The following DSG2 variants were observed in gnomAD, a reference collection of about 807,000 sequenced individuals.
DSG2 encodes the protein desmoglein-2.
In DSG2, 45 loss-of-function variants were observed where a neutral mutation model predicts 75.6. The observed-to-expected ratio is 0.60, with a 90% CI of 0.47 to 0.76. DSG2 has a LOEUF of 0.76. Among genes scored for constraint, DSG2 ranks in the 30% least tolerant of loss-of-function variants. The probability of loss-of-function intolerance (pLI) is 0.00; values close to 1 mark genes in which losing one functional copy is unlikely to be tolerated. For synonymous variants in DSG2, 429 were observed against 483.9 expected (o/e 0.89, Z 1.49); for missense variants, 1,267 against 1,357.4 (o/e 0.93, Z 1.05).
intron 14 of DSG2, among the ~76,000 whole-genome samples, chr18:31,544,901 A>G (rs113886643): frequency 0.02 from 3,078 of 152,260 alleles, 85 homozygotes; most frequent in African/African-American, 0.058. Flanking sequence ...CCATTGAGGA[A>G]AGCAAGTTAC....
chr18:31,532,837 A>G (rs2144335506), intron 9 of DSG2, among the ~76,000 whole-genome samples: 1 of 152,324 alleles, frequency 6.6e-6, no homozygotes, highest in Non-Finnish European at 1.5e-5. Context: ...CAAACTAATT[A>G]TATACCAATA....
At chr18:31,503,694 G>C (rs1305766228) in intron 1 of DSG2, among the ~76,000 whole-genome samples, 2 of 152,138 alleles carry the variant, frequency 1.3e-5, no homozygotes, top group Non-Finnish European at 2.9e-5. Context: ...GAGGCAACAG[G>C]CATTGAGGAC....
Position 31,548,432 on chromosome 18 carries a change from T to C in DSG2, c.*1689T>C, listed in dbSNP as rs2073330046. ...TTGTTGAATGGTGTCATGCAAAGGA[T>C]TTATATAGTGTGCTCCCACTAACTG... On this transcript the variant is annotated 3_prime_UTR_variant, in exon 15 of 15. Transcript: ENST00000261590. 1.4e-5 allele frequency: 2 copies of C among 142,202 alleles called. No homozygotes were observed. The highest frequency in any genetic ancestry group is 1.4e-4 in the Admixed American group (2 of 14,174). 8.8% of individuals were successfully genotyped at this position (142,202 alleles called of 1,614,324 possible).
At chr18:31,543,882 A>G (rs1018054132) in intron 14 of DSG2, among the ~76,000 whole-genome samples, 4 of 151,720 alleles carry the variant, frequency 2.6e-5, no homozygotes, top group African/African-American at 9.7e-5. Flanking sequence ...AAAAAAAAAA[A>G]AAGTATAACA....
chr18:31,534,571 C>T (rs1340146632), intron 9 of DSG2, among the ~76,000 whole-genome samples: 1 of 133,440 alleles, frequency 7.5e-6, no homozygotes, highest in Non-Finnish European at 1.5e-5. Context: ...AGTGCAGTGG[C>T]GCGATCTCGG....
chr18:31,546,924 T>A lies in DSG2; in HGVS notation c.*181T>A. The A allele has an allele frequency of 1.4e-6, 1 of 714,158 alleles. No homozygotes were observed. The highest frequency in any genetic ancestry group is 2.5e-6 in the Non-Finnish European group (1 of 407,002). 44.2% of individuals were successfully genotyped at this position (714,158 alleles called of 1,614,324 possible). On this transcript the variant is annotated 3_prime_UTR_variant, in exon 15 of 15. Coordinates refer to ENST00000261590, the MANE Select transcript of DSG2 (RefSeq NM_001943.5). ...ACTGTCTCTGCTTCCAGGAGTATTTTAGAAATGTTCCACAATTTACTGAAG... is the reference window on the plus strand; with the variant it reads ...ACTGTCTCTGCTTCCAGGAGTATTTAAGAAATGTTCCACAATTTACTGAAG...
chr18:31,542,149 G>A (rs1384661652), intron 13 of DSG2: 3 of 327,010 alleles, frequency 9.2e-6, no homozygotes, highest in Non-Finnish European at 1.8e-5. Context: ...CAGAGGCTTA[G>A]AAATATAGTC....
chr18:31,526,414 A>G (rs1394903197), intron 8 of DSG2, among the ~76,000 whole-genome samples: 2 of 152,234 alleles, frequency 1.3e-5, no homozygotes, highest in Non-Finnish European at 2.9e-5. Flanking sequence ...GTTTCATGAT[A>G]ATTGAGCACC....
At chr18:31,501,349 A>T (rs1165771702) in intron 1 of DSG2, among the ~76,000 whole-genome samples, 3 of 152,220 alleles carry the variant, frequency 2.0e-5, no homozygotes, top group South Asian at 2.1e-4. Context: ...CATTTTAAGG[A>T]TTCAATGATA....
intron 8 of DSG2, among the ~76,000 whole-genome samples, chr18:31,528,176 C>G (rs2073173773): frequency 6.6e-6 from 1 of 151,918 alleles, no homozygotes; most frequent in African/African-American, 2.4e-5. Context: ...GTTATATGAC[C>G]CAATGATTTG....
At chr18:31,521,957 C>A in intron 5 of DSG2, 126 bp from the exon 6 acceptor site, 1 of 799,490 alleles carries the variant, frequency 1.3e-6, no homozygotes, top group Non-Finnish European at 2.0e-6. Flanking sequence ...ATATTGTGGT[C>A]AACTGTATGT....
In DSG2 at chr18:31,535,106, A is replaced by AG. The variant is rs575057718; in HGVS notation, c.1281-160dup. On this transcript the variant is annotated intron_variant, in intron 9 of 14. Coordinates refer to ENST00000261590, the MANE Select transcript of DSG2 (RefSeq NM_001943.5). ...TTTAAGTGTGACATGCAGTAAAGAG[A>AG]GGGGCTTTTAGGATGGTTTTGCAAA... 2.0e-3 allele frequency among the ~76,000 whole-genome samples: 300 copies of AG among 152,324 alleles called. 13 individuals are homozygous for AG. In the South Asian group the frequency reaches 0.06, roughly 30 times the overall value.
intron 1 of DSG2, among the ~76,000 whole-genome samples, chr18:31,506,545 A>G (rs2073040010): frequency 1.3e-5 from 2 of 152,218 alleles, no homozygotes; most frequent in Admixed American, 6.5e-5. Flanking sequence ...CCTTACTGAC[A>G]GGCCAGTGCC....
chr18:31,498,736 C>G (rs988840115), intron 1 of DSG2, among the ~76,000 whole-genome samples: 2 of 152,082 alleles, frequency 1.3e-5, no homozygotes, highest in African/African-American at 4.8e-5. Context: ...CTCCTCTAGC[C>G]GCCGACACAA....
Position 31,546,053 on chromosome 18 carries a change from A to C in DSG2, c.2667A>C (p.Pro889=). ...ENTYSSGSSF[P]VPKSLQEANA... ...CCTACTCCTCTGGCAGTAGCTTCCC[A>C]GTTCCAAAATCTTTGCAAGAAGCCA... Residue 889 remains proline (P), a synonymous_variant, in exon 15 of 15, where the codon CCA becomes CCC. Transcript: ENST00000261590. 6.2e-7 allele frequency: 1 copy of C among 1,614,236 alleles called. No individual in the cohort carries two copies. Among genetic ancestry groups the C allele is most frequent in the Non-Finnish European group, 8.5e-7 (1 of 1,180,050 alleles).
At chr18:31,509,851 A>G (rs2073057673) in intron 1 of DSG2, among the ~76,000 whole-genome samples, 1 of 152,340 alleles carries the variant, frequency 6.6e-6, no homozygotes, top group Non-Finnish European at 1.5e-5. Flanking sequence ...GCCAATACAA[A>G]TAGAAAAGTC....
At chr18:31,504,825 T>C (rs1317061208) in intron 1 of DSG2, among the ~76,000 whole-genome samples, 1 of 152,204 alleles carries the variant, frequency 6.6e-6, no homozygotes, top group African/African-American at 2.4e-5. Flanking sequence ...AATTGCATCT[T>C]TCTAGCCACT....
rs1454250019 is a variant in DSG2, at chr18:31,530,967, C to T, written c.1015-20C>T. The stretch of plus-strand genomic sequence containing the variant: ...TCTGTTTTCTCTTTGAAAAGAATTC[C>T]CTTTGGTTTTCCCTTTCAGGAAGTA... On this transcript the variant is annotated intron_variant, in intron 8 of 14. Coordinates refer to ENST00000261590, the MANE Select transcript of DSG2 (RefSeq NM_001943.5). 1 of 1,612,814 alleles carries T rather than the reference C, an allele frequency of 6.2e-7. No individual in the cohort carries two copies. Among genetic ancestry groups the T allele is most frequent in the Admixed American group, 1.7e-5 (1 of 59,966 alleles).
In DSG2 at chr18:31,536,836, ATCCT is replaced by A. The variant is rs1396103541; in HGVS notation, c.1651+414_1651+417del. Among the ~76,000 whole-genome samples the A allele has an allele frequency of 3.9e-5, 6 of 152,334 alleles. No individual in the cohort carries two copies. The East Asian group carries it at 7.7e-4, about 20-fold the overall frequency. ...CCCACCCTATGTATTACCATATTTAATCCTTCCTTCAACATTATTCCCTGATTAA... is the reference window on the plus strand; with the variant it reads ...CCCACCCTATGTATTACCATATTTAATCCTTCAACATTATTCCCTGATTAA... On this transcript the variant is annotated intron_variant, in intron 11 of 14. Coordinates refer to ENST00000261590, the MANE Select transcript of DSG2 (RefSeq NM_001943.5).
Sources: gnomAD v4.1 joint callset for allele counts (sites outside exome capture counted in the v4.1 genomes callset) on GRCh38, gnomAD v4.1.1 for gene constraint, MANE v1.5 for transcripts, NCBI Gene and HGNC (gene_info 2026-07-23, HGNC 2026-07-21) for gene names.